Variants in ABCA1 observed in about 807,000 individuals in gnomAD.
ABCA1 encodes ATP binding cassette subfamily A member 1.
In ABCA1, 133 loss-of-function variants were observed where a neutral mutation model predicts 262.5. The ratio of observed to expected loss-of-function variants is 0.51; its 90% CI spans 0.44 to 0.59. The LOEUF is 0.59. Among genes scored for constraint, ABCA1 ranks in the 20% least tolerant of loss-of-function variants. The probability of loss-of-function intolerance (pLI) is 0.00; values close to 1 mark genes in which losing one functional copy is unlikely to be tolerated. For synonymous variants in ABCA1, 1,022 were observed against 1,043.5 expected, an observed-to-expected ratio of 0.98 and a Z score of 0.40; for missense variants, 2,452 against 2,777.5, an observed-to-expected ratio of 0.88 and a Z score of 2.63.
chr9:104,862,651 G>GCCCCCC (rs1564198183), intron 5 of ABCA1, among the ~76,000 whole-genome samples: 4 of 6,722 alleles, frequency 6.0e-4, no homozygotes, highest in Non-Finnish European at 8.3e-4. Flanking sequence ...GGCCGGGCCG[G>GCCCCCC]GCCGGGCCGG....
At chr9:104,816,390 G>T in intron 24 of ABCA1, 45 bp from the exon 25 acceptor site, 1 of 1,584,996 alleles carries the variant, frequency 6.3e-7, no homozygotes. Flanking sequence ...ACTCAGAGGG[G>T]CTTCGGAGTG....
intron 2 of ABCA1, among the ~76,000 whole-genome samples, chr9:104,894,742 C>G (rs1249524780): frequency 6.6e-6 from 1 of 152,246 alleles, no homozygotes; most frequent in Non-Finnish European, 1.5e-5. Context: ...CCTGCTCTCT[C>G]AAAGCCCTTG....
chr9:104,865,190 G>T (rs1382359958), intron 5 of ABCA1, among the ~76,000 whole-genome samples: 2 of 152,112 alleles, frequency 1.3e-5, no homozygotes, highest in East Asian at 3.9e-4. Context: ...TCAGCTGGGG[G>T]CTTCACAAAA....
chr9:104,921,254 A>T (rs1185089496), intron 1 of ABCA1, among the ~76,000 whole-genome samples: 1 of 152,206 alleles, frequency 6.6e-6, no homozygotes, highest in African/African-American at 2.4e-5. Flanking sequence ...TTTGACTTCC[A>T]AATGCTTCTT....
Position 104,784,298 on chromosome 9 carries a change from C to A in ABCA1, c.*17G>T. 6.2e-7 allele frequency: 1 copy of A among 1,613,956 alleles called. No individual in the cohort carries two copies. Among genetic ancestry groups the A allele is most frequent in the Non-Finnish European group, 8.5e-7 (1 of 1,179,938 alleles). ...AGTTCCTCTTTACTTTCAGCCACCC[C>A]GTATGAACAGGATTCTTCATACATA... On this transcript the variant is annotated 3_prime_UTR_variant, in exon 50 of 50. Transcript: ENST00000374736.
At chr9:104,901,331 C>T (rs888505279) in intron 2 of ABCA1, among the ~76,000 whole-genome samples, 3 of 152,124 alleles carry the variant, frequency 2.0e-5, no homozygotes, top group African/African-American at 2.4e-5. Context: ...TCAAGAAATC[C>T]CTTCCCTGCT....
At chr9:104,923,635 T>C (rs1292399197) in intron 1 of ABCA1, among the ~76,000 whole-genome samples, 1 of 152,240 alleles carries the variant, frequency 6.6e-6, no homozygotes, top group Non-Finnish European at 1.5e-5. Flanking sequence ...TCTGGCTGGG[T>C]TCAAGTCTTA....
rs906839681 is a variant in ABCA1 at position 104,883,960 on chromosome 9, T to G, written c.302+467A>C. Among the ~76,000 whole-genome samples, 6 of 152,226 alleles carry G rather than the reference T, an allele frequency of 3.9e-5. No homozygotes were observed. The East Asian group carries it at 1.2e-3, about 29-fold the overall frequency. ...AGCTCACACTCAGGGGAGAAAGACCTGCAGACATTGTAGTCTGATGGGGCA... is the reference window on the plus strand; with the variant it reads ...AGCTCACACTCAGGGGAGAAAGACCGGCAGACATTGTAGTCTGATGGGGCA... On this transcript the variant is annotated intron_variant, in intron 4 of 49. Coordinates refer to ENST00000374736, the MANE Select transcript of ABCA1 (RefSeq NM_005502.4).
At chr9:104,846,515 C>T (rs1477954839) in intron 7 of ABCA1, among the ~76,000 whole-genome samples, 1 of 152,198 alleles carries the variant, frequency 6.6e-6, no homozygotes, top group East Asian at 1.9e-4. Flanking sequence ...GTAGACTACA[C>T]AAGAAAATGT....
intron 3 of ABCA1, among the ~76,000 whole-genome samples, chr9:104,885,118 C>A (rs976476607): frequency 6.6e-6 from 1 of 152,158 alleles, no homozygotes; most frequent in Non-Finnish European, 1.5e-5. Context: ...CGCCTGTAAT[C>A]CCAGGTACTC....
intron 39 of ABCA1, among the ~76,000 whole-genome samples, chr9:104,795,523 T>C (rs2118873260): frequency 6.6e-6 from 1 of 152,294 alleles, no homozygotes; most frequent in East Asian, 1.9e-4. Flanking sequence ...GTAGTGCCAC[T>C]GAGTGTGACA....
At chr9:104,821,648 C>T in intron 19 of ABCA1, 142 bp from the exon 20 acceptor site, 1 of 962,950 alleles carries the variant, frequency 1.0e-6, no homozygotes, top group East Asian at 2.7e-5. Flanking sequence ...CAGACCCACA[C>T]AAAGCAAAGC....
chr9:104,817,373 G>A lies in ABCA1; in HGVS notation c.3494C>T (p.Ala1165Val). 6.2e-7 allele frequency: 1 copy of A among 1,614,226 alleles called. No homozygotes were observed. Among genetic ancestry groups the A allele is most frequent in the Non-Finnish European group, 8.5e-7 (1 of 1,180,040 alleles). ...EDSVSQSSSD[A>V]GLGSDHESDT... The stretch of plus-strand genomic sequence containing the variant: ...ACTCTCATGGTCGCTGCCCAGGCCA[G>A]CATCAGAACTGCTCTGAGAAACACT... The change falls in exon 24 of 50, where the codon GCT (alanine) becomes GTT (valine). Residue 1165 changes from alanine to valine, a missense_variant. Physicochemically the swap from Ala to Val is moderately conservative, Grantham distance 64 (BLOSUM62 0). Around this residue, in one of 4 missense-constraint regions of ABCA1, gnomAD observed 665 missense variants for 727.3 expected, o/e 0.91. Coordinates refer to ENST00000374736, the MANE Select transcript of ABCA1 (RefSeq NM_005502.4). The surrounding 1 kb of genome is among the most constrained non-coding windows in gnomAD (Gnocchi z 4.7).
chr9:104,806,314 T>A lies in ABCA1; in HGVS notation c.4391A>T (p.Gln1464Leu). 1 of 1,614,148 alleles carries A rather than the reference T, an allele frequency of 6.2e-7. No homozygotes were observed. The highest frequency in any genetic ancestry group is 2.2e-5 in the East Asian group (1 of 44,880). Residue 1464 changes from glutamine to leucine, a missense_variant, in exon 31 of 50, where the codon CAG becomes CTG. This residue lies in a region of ABCA1 where 665 missense variants were observed against 727.3 expected (regional missense o/e 0.91). Coordinates refer to ENST00000374736, the MANE Select transcript of ABCA1 (RefSeq NM_005502.4). ...CTTCTTGATTTTGTCGCTGCTACAC[T>A]GGCATGCAGGTGAAGGGTTCTGCAT... ...WTMQNPSPACQCSSDKIKKML... is the reference protein window; with the variant it reads ...WTMQNPSPACLCSSDKIKKML...
intron 3 of ABCA1, among the ~76,000 whole-genome samples, chr9:104,888,595 T>C (rs775807151): frequency 5.3e-5 from 8 of 152,234 alleles, no homozygotes; most frequent in Non-Finnish European, 1.2e-4. Context: ...TTTTCTATGC[T>C]CACTGTAAAG....
Position 104,802,122 on chromosome 9 carries a change from C to T in ABCA1, c.4630G>A (p.Ala1544Thr). Residue 1544 changes from alanine to threonine, a missense_variant, in exon 34 of 50, where the codon GCA becomes ACA. This residue lies in a region of ABCA1 where 752 missense variants were observed against 944.5 expected (regional missense o/e 0.80). Coordinates refer to ENST00000374736, the MANE Select transcript of ABCA1 (RefSeq NM_005502.4). The stretch of plus-strand genomic sequence containing the variant: ...TTAACTTCTTGACTCGGAGGAAGTG[C>T]TTGAGTATTACTGACACCCAGGGAA... ...GFSLGVSNTQALPPSQEVNDA... is the reference protein window; with the variant it reads ...GFSLGVSNTQTLPPSQEVNDA... 1 of 1,614,166 alleles carries T rather than the reference C, an allele frequency of 6.2e-7. No individual in the cohort carries two copies. Among genetic ancestry groups the T allele is most frequent in the Non-Finnish European group, 8.5e-7 (1 of 1,180,030 alleles).
intron 1 of ABCA1, among the ~76,000 whole-genome samples, chr9:104,909,412 G>A (rs1841361869): frequency 1.3e-5 from 2 of 152,174 alleles, no homozygotes; most frequent in Non-Finnish European, 2.9e-5. Context: ...TAAGGGGACA[G>A]AGAGTAACGG....
intron 19 of ABCA1, 77 bp downstream of exon 19, chr9:104,822,419 T>C: frequency 1.3e-6 from 2 of 1,582,074 alleles, no homozygotes; most frequent in Non-Finnish European, 8.7e-7. Flanking sequence ...CAGCATGGTT[T>C]CCTAAGGTAT....
In ABCA1 at chr9:104,837,570, A is replaced by G. The variant is rs1226690330; in HGVS notation, c.1055-3T>C. The G allele has an allele frequency of 3.7e-6, 6 of 1,614,028 alleles. No homozygotes were observed. Among genetic ancestry groups the G allele is most frequent in the Non-Finnish European group, 5.1e-6 (6 of 1,179,990 alleles). On this transcript the variant is annotated splice_polypyrimidine_tract_variant and splice_region_variant and intron_variant, in intron 9 of 49. Coordinates refer to ENST00000374736, the MANE Select transcript of ABCA1 (RefSeq NM_005502.4). Reference sequence around the variant, plus strand: ...CATCAAATCATTGCAGTAAGGAGCTATGAAGAAGAGGAGAGACAAATGCTC... The same window carrying G: ...CATCAAATCATTGCAGTAAGGAGCTGTGAAGAAGAGGAGAGACAAATGCTC...
Sources: allele counts gnomAD v4.1 joint callset (sites outside exome capture counted in the v4.1 genomes callset), GRCh38; gene constraint gnomAD v4.1.1; regional missense constraint gnomAD v4.1.1; non-coding constraint Gnocchi (gnomAD v3.1); transcripts MANE v1.5; gene names NCBI Gene and HGNC (gene_info 2026-07-23, HGNC 2026-07-21).